Variants in VPS54 observed in about 807,000 individuals in gnomAD.
VPS54 encodes the protein VPS54 subunit of GARP complex.
A neutral mutation model predicts 121.5 loss-of-function variants in VPS54; 45 were observed. That is an observed-to-expected ratio of 0.37 (90% CI 0.29 to 0.47). The LOEUF is 0.47. Ranked by LOEUF, VPS54 falls within the 20% of genes least tolerant of loss-of-function variation. The pLI is 0.99. For synonymous variants in VPS54, 371 were observed against 385.8 expected (o/e 0.96, Z 0.45); for missense variants, 1,090 against 1,131.4 (o/e 0.96, Z 0.52).
intron 1 of VPS54, among the ~76,000 whole-genome samples, chr2:63,989,633 T>C (rs1282253492): frequency 6.6e-6 from 1 of 152,186 alleles, no homozygotes; most frequent in African/African-American, 2.4e-5. Flanking sequence ...ATGTCATCGG[T>C]TCGGTCCACA....
At chr2:63,998,321 G>T (rs1304750244) in intron 1 of VPS54, among the ~76,000 whole-genome samples, 1 of 152,042 alleles carries the variant, frequency 6.6e-6, no homozygotes, top group Non-Finnish European at 1.5e-5. Context: ...TGTGTTTCTT[G>T]TGGGCAACAG....
chr2:63,905,721 T>C (rs1672878891), intron 20 of VPS54, among the ~76,000 whole-genome samples: 1 of 151,996 alleles, frequency 6.6e-6, no homozygotes, highest in African/African-American at 2.4e-5. Flanking sequence ...AAATAGGCAC[T>C]TCAAAACAAA....
intron 11 of VPS54, among the ~76,000 whole-genome samples, chr2:63,940,947 A>G (rs1674695550): frequency 2.6e-5 from 4 of 152,250 alleles, no homozygotes. Flanking sequence ...AATTAAGCAC[A>G]GTGAATCCCA....
At chr2:63,948,350 C>T (rs1382449054) in intron 8 of VPS54, among the ~76,000 whole-genome samples, 6 of 149,758 alleles carry the variant, frequency 4.0e-5, no homozygotes, top group Non-Finnish European at 7.4e-5. Context: ...AAAACATGTT[C>T]ATAATAGGTA....
intron 12 of VPS54, among the ~76,000 whole-genome samples, chr2:63,922,864 T>C (rs775002738): frequency 1.2e-4 from 18 of 151,764 alleles, no homozygotes; most frequent in Non-Finnish European, 2.1e-4. Flanking sequence ...AATTTGAAAC[T>C]CTTGGCAATA....
At chr2:63,992,228 C>T (rs553665546) in intron 1 of VPS54, among the ~76,000 whole-genome samples, 5 of 152,316 alleles carry the variant, frequency 3.3e-5, no homozygotes, top group African/African-American at 9.6e-5. Flanking sequence ...GCTCCAGCAG[C>T]GAAAAGGCCG....
intron 20 of VPS54, 68 bp downstream of exon 20, chr2:63,912,277 G>T: frequency 8.0e-7 from 1 of 1,249,606 alleles, no homozygotes; most frequent in Non-Finnish European, 1.1e-6. Context: ...AATTTATAAA[G>T]TACTCCTTAT....
intron 20 of VPS54, among the ~76,000 whole-genome samples, chr2:63,903,677 C>A (rs904262122): frequency 6.6e-6 from 1 of 152,002 alleles, no homozygotes; most frequent in Non-Finnish European, 1.5e-5. Context: ...CTTACACAAT[C>A]AGGGAAGTAA....
intron 12 of VPS54, among the ~76,000 whole-genome samples, chr2:63,930,510 A>T (rs920044242): frequency 6.6e-5 from 10 of 152,220 alleles, no homozygotes; most frequent in Non-Finnish European, 8.8e-5. Flanking sequence ...GATGGAACAT[A>T]TCTCAAAATA....
rs1288846389 is a variant in VPS54 at position 63,962,307 on chromosome 2, A to G, written c.761T>C (p.Met254Thr). Residue 254 changes from methionine to threonine, a missense_variant, in exon 7 of 23, where the codon ATG (methionine) becomes ACG (threonine). Around this residue, in one of 2 missense-constraint regions of VPS54, gnomAD observed 801 missense variants for 757.0 expected, o/e 1.06. Transcript: ENST00000272322. ...AATCTGTGCAATTTTATCTCGAAGC[A>G]TTTTTACAGCCTGGGAAGTTTTCCT... Reference protein sequence around the residue: ...YLRKTSQAVKMLRDKIAQIDK... With the variant: ...YLRKTSQAVKTLRDKIAQIDK... 1 of 1,613,896 alleles carries G rather than the reference A, an allele frequency of 6.2e-7. No homozygotes were observed. Among genetic ancestry groups the G allele is most frequent in the African/African-American group, 1.3e-5 (1 of 74,902 alleles).
intron 3 of VPS54, among the ~76,000 whole-genome samples, chr2:63,976,246 G>A (rs539074194): frequency 2.6e-5 from 4 of 151,762 alleles, no homozygotes; most frequent in African/African-American, 7.2e-5. Flanking sequence ...GCTACTTGGG[G>A]GTTGCTGAGA....
At position 63,893,127 on chromosome 2, in the gene VPS54, CTG is replaced by C; in HGVS notation, c.*301_*302del. 2.4e-6 allele frequency: 1 copy of C among 421,228 alleles called. No homozygotes were observed. Among genetic ancestry groups the C allele is most frequent in the Non-Finnish European group, 4.4e-6 (1 of 226,416 alleles). The allele number at this position is 421,228 out of a possible 1,614,324, so 26.1% of individuals were successfully genotyped here. On this transcript the variant is annotated 3_prime_UTR_variant, in exon 23 of 23. Coordinates refer to ENST00000272322, the MANE Select transcript of VPS54 (RefSeq NM_016516.3). Reference sequence around the variant, plus strand: ...TACAGAGCATTCTAGTCAACTACAGCTGTGTTACAGCTATGTGTTCTTTTGGA... The same window carrying C: ...TACAGAGCATTCTAGTCAACTACAGCTGTTACAGCTATGTGTTCTTTTGGA...
chr2:64,007,807 G>C lies in VPS54; in HGVS notation c.-21+11131C>G, dbSNP rs548332350. Among the ~76,000 whole-genome samples, 4 of 152,258 alleles carry C rather than the reference G, an allele frequency of 2.6e-5. No homozygotes were observed. The South Asian group carries it at 8.3e-4, about 32-fold the overall frequency. On this transcript the variant is annotated intron_variant, in intron 1 of 22. Transcript: ENST00000272322. ...AATCAGAAATACCATCCTTACACAGGGAAGATGTGTCAGGAAGTAAAGTGC... is the reference window on the plus strand; with the variant it reads ...AATCAGAAATACCATCCTTACACAGCGAAGATGTGTCAGGAAGTAAAGTGC...
At chr2:63,911,750 C>G (rs537221958) in intron 20 of VPS54, among the ~76,000 whole-genome samples, 2 of 152,320 alleles carry the variant, frequency 1.3e-5, no homozygotes, top group Non-Finnish European at 1.5e-5. Flanking sequence ...CTTGGACAGA[C>G]AGTATACACT....
intron 4 of VPS54, among the ~76,000 whole-genome samples, chr2:63,969,294 G>A (rs1464065474): frequency 6.6e-6 from 1 of 152,024 alleles, no homozygotes; most frequent in African/African-American, 2.4e-5. Context: ...CAACCCCTGG[G>A]CCATGGCCTG....
At chr2:63,969,878 A>T (rs1470795459) in intron 4 of VPS54, among the ~76,000 whole-genome samples, 1 of 151,940 alleles carries the variant, frequency 6.6e-6, no homozygotes, top group Non-Finnish European at 1.5e-5. Flanking sequence ...TGTTTAAAAG[A>T]TCTATCATCC....
At chr2:63,940,118 C>T (rs1335122104) in intron 11 of VPS54, among the ~76,000 whole-genome samples, 1 of 152,000 alleles carries the variant, frequency 6.6e-6, no homozygotes, top group East Asian at 1.9e-4. Flanking sequence ...ATTAAAAATC[C>T]TTGGCTGTAT....
In VPS54 at chr2:63,978,896, A is replaced by G. The variant is rs531041320; in HGVS notation, c.378+2750T>C. ...TGGCCTCCCAAAGTGTGGGGATTAC[A>G]AGCGTGAGCCACCATGCCCAGCCAG... is the stretch of plus-strand genomic sequence containing the variant. On this transcript the variant is annotated intron_variant, in intron 3 of 22. Transcript: ENST00000272322. 1.6e-4 allele frequency among the ~76,000 whole-genome samples: 25 copies of G among 152,332 alleles called. No individual in the cohort carries two copies. In the South Asian group the frequency reaches 5.0e-3, roughly 30 times the overall value.
At chr2:63,962,841 G>A (rs986709573) in intron 6 of VPS54, among the ~76,000 whole-genome samples, 3 of 152,118 alleles carry the variant, frequency 2.0e-5, no homozygotes, top group African/African-American at 7.2e-5. Flanking sequence ...TGACTAAATA[G>A]ATGATTACAC....
Sources: gnomAD v4.1 joint callset for allele counts (sites outside exome capture counted in the v4.1 genomes callset) on GRCh38, gnomAD v4.1.1 for gene constraint, gnomAD v4.1.1 regional missense constraint, MANE v1.5 for transcripts, NCBI Gene and HGNC (gene_info 2026-07-23, HGNC 2026-07-21) for gene names.